Variants in CAND2 observed in about 807,000 individuals in gnomAD.
CAND2 encodes cullin-associated NEDD8-dissociated protein 2.
CAND2 carries 62 observed loss-of-function variants against 98.9 expected under a neutral mutation model. That is an observed-to-expected ratio of 0.63 (90% CI 0.51 to 0.77). The LOEUF (loss-of-function observed/expected upper bound fraction) is 0.77, where lower values mean the gene tolerates loss of function less well. Ranked by LOEUF, CAND2 falls within the 30% of genes least tolerant of loss-of-function variation. The probability of loss-of-function intolerance (pLI) is 0.00; values close to 1 mark genes in which losing one functional copy is unlikely to be tolerated. For synonymous variants in CAND2, 770 were observed against 731.9 expected (o/e 1.05, Z -0.84); for missense variants, 1,501 against 1,655.2 (o/e 0.91, Z 1.62).
intron 13 of CAND2, among the ~76,000 whole-genome samples, chr3:12,828,393 A>G (rs1323016970): frequency 1.4e-5 from 2 of 139,502 alleles, no homozygotes; most frequent in East Asian, 2.1e-4. Context: ...GCTGGAGTGC[A>G]GTGGCTTGAT....
chr3:12,799,453 A>C (rs2061750795), intron 1 of CAND2, among the ~76,000 whole-genome samples: 1 of 152,158 alleles, frequency 6.6e-6, no homozygotes, highest in Non-Finnish European at 1.5e-5. Context: ...ATCCCTACAC[A>C]CATACACGTA....
chr3:12,806,999 C>A, intron 2 of CAND2: 1 of 264,118 alleles, frequency 3.8e-6, no homozygotes. Flanking sequence ...GGGGCCCAGC[C>A]ATCTGTTTAA....
intron 2 of CAND2, among the ~76,000 whole-genome samples, chr3:12,804,453 A>C (rs1471207998): frequency 2.0e-5 from 3 of 152,116 alleles, no homozygotes; most frequent in African/African-American, 7.2e-5. Flanking sequence ...ACAAGAGCAA[A>C]AATTCCATCT....
At chr3:12,801,589 G>A (rs1049479269) in intron 1 of CAND2, among the ~76,000 whole-genome samples, 1 of 152,230 alleles carries the variant, frequency 6.6e-6, no homozygotes, top group South Asian at 2.1e-4. Flanking sequence ...GCCTGGGACA[G>A]CATCAGGCTT....
At position 12,816,916 on chromosome 3, in the gene CAND2, C is replaced by T. The variant is rs375533940; in HGVS notation, c.1984C>T (p.Arg662Trp). 3.9e-5 allele frequency: 63 copies of T among 1,613,716 alleles called. No homozygotes were observed. Among genetic ancestry groups the T allele is most frequent in the Non-Finnish European group, 4.9e-5 (58 of 1,180,028 alleles). ...ACTGCACATTCTGGCCTCATTCCTG[C>T]GGAAGAACCAGCGGGCTTTGCGACT... ...EALHILASFL[R>W]KNQRALRLAT... Residue 662 changes from arginine (R) to tryptophan (W), a missense_variant, in exon 10 of 15, where the codon CGG becomes TGG. Around this residue, in one of 3 missense-constraint regions of CAND2, gnomAD observed 1,427 missense variants for 1,545.3 expected, o/e 0.92. Transcript: ENST00000456430.
At chr3:12,802,991 T>C (rs1407543133) in intron 1 of CAND2, among the ~76,000 whole-genome samples, 1 of 149,338 alleles carries the variant, frequency 6.7e-6, no homozygotes, top group African/African-American at 2.4e-5. Flanking sequence ...TTAAAATCTT[T>C]TTTTTTTTTT....
rs2062052811 is a variant in CAND2 at position 12,831,413 on chromosome 3, T to C, written c.3376-52T>C. On this transcript the variant is annotated intron_variant, in intron 13 of 14. Transcript: ENST00000456430. ...TCTGCTCTTTCCCAGGGCTGGCTGC[T>C]GCTCTTGCTCCTGCACCATTTCACT... 3.4e-6 allele frequency: 5 copies of C among 1,464,306 alleles called. No individual in the cohort carries two copies. In the African/African-American group the frequency reaches 4.2e-5, roughly 12 times the overall value. 90.7% of individuals were successfully genotyped at this position (1,464,306 alleles called of 1,614,324 possible). A position where few individuals can be genotyped will look rare whatever the true frequency, so the allele number is the denominator to read the frequency against.
rs753022395 is a variant in CAND2 at position 12,816,482 on chromosome 3, C to T, written c.1550C>T (p.Pro517Leu). 9.3e-6 allele frequency: 15 copies of T among 1,613,896 alleles called. No individual in the cohort carries two copies. Among genetic ancestry groups the T allele is most frequent in the Non-Finnish European group, 1.1e-5 (13 of 1,180,002 alleles). The change falls in exon 10 of 15, where the codon CCA becomes CTA. Residue 517 changes from proline to leucine, a missense_variant. Physicochemically the swap from Pro to Leu is moderately conservative, Grantham distance 98. Coordinates refer to ENST00000456430, the MANE Select transcript of CAND2 (RefSeq NM_001162499.2). ...ACCGAACCAGCTGAGGCCTTCCACC[C>T]ACACTTGCCTATCCTCCTGCCACCT... ...LGTEPAEAFH[P>L]HLPILLPPVM... is the part of the protein sequence containing the mutation.
chr3:12,804,484 A>C (rs1288724705), intron 2 of CAND2, among the ~76,000 whole-genome samples: 1 of 152,120 alleles, frequency 6.6e-6, no homozygotes, highest in Non-Finnish European at 1.5e-5. Context: ...CAAACAAAAA[A>C]GGCTTAGGGC....
chr3:12,802,752 G>T (rs1016469350), intron 1 of CAND2, among the ~76,000 whole-genome samples: 1 of 152,156 alleles, frequency 6.6e-6, no homozygotes, highest in Non-Finnish European at 1.5e-5. Context: ...ATCCTTAGGC[G>T]ATTTTGTCCT....
intron 4 of CAND2, 107 bp from the exon 5 acceptor site, chr3:12,809,952 T>C (rs2124843614): frequency 7.9e-7 from 1 of 1,266,812 alleles, no homozygotes; most frequent in East Asian, 3.1e-5. Context: ...GCCATTGAGT[T>C]GCCATAATCC....
At position 12,820,126 on chromosome 3, in the gene CAND2, G is replaced by C; in HGVS notation, c.2985G>C (p.Lys995Asn). ...GGAGCACCGTCATCACAGCGGTCAAGTTCCTTATCTCGGACCAGCCCCATC... is the reference window on the plus strand; with the variant it reads ...GGAGCACCGTCATCACAGCGGTCAACTTCCTTATCTCGGACCAGCCCCATC... ...HTRSTVITAVKFLISDQPHPI... is the reference protein window; with the variant it reads ...HTRSTVITAVNFLISDQPHPI... The change falls in exon 11 of 15, where the codon AAG becomes AAC. Residue 995 changes from lysine (K) to asparagine (N), a missense_variant. Around this residue, in one of 3 missense-constraint regions of CAND2, gnomAD observed 1,427 missense variants for 1,545.3 expected, o/e 0.92. Coordinates refer to ENST00000456430, the MANE Select transcript of CAND2 (RefSeq NM_001162499.2). The C allele has an allele frequency of 6.2e-7, 1 of 1,614,182 alleles. No homozygotes were observed. The highest frequency in any genetic ancestry group is 8.5e-7 in the Non-Finnish European group (1 of 1,180,018).
intron 1 of CAND2, among the ~76,000 whole-genome samples, 194 bp downstream of exon 1, chr3:12,796,982 TC>T (rs958369860): frequency 3.4e-5 from 5 of 149,006 alleles, no homozygotes; most frequent in African/African-American, 7.5e-5. Context: ...CCGGCCGTTC[TC>T]CCCTAGGGGC....
chr3:12,808,463 T>A, intron 4 of CAND2, 130 bp downstream of exon 4: 1 of 1,035,426 alleles, frequency 9.7e-7, no homozygotes, highest in South Asian at 1.6e-5. Context: ...CCCAGCAGCC[T>A]CGTAAAGGAG....
At position 12,807,441 on chromosome 3, in the gene CAND2, G is replaced by A; in HGVS notation, c.348G>A (p.Glu116=). 3 of 1,551,524 alleles carry A rather than the reference G, an allele frequency of 1.9e-6. No homozygotes were observed. The highest frequency in any genetic ancestry group is 1.4e-5 in the African/African-American group (1 of 73,138). The change falls in exon 3 of 15, where the codon GAG becomes GAA. Residue 116 remains glutamate (E), a synonymous_variant. Transcript: ENST00000456430. Reference sequence around the variant, plus strand: ...TTGGCCTCAAGACCGTCCTCTCGGAGCTCCCTCCTGCAGCCACAGGTACCC... The same window carrying A: ...TTGGCCTCAAGACCGTCCTCTCGGAACTCCCTCCTGCAGCCACAGGTACCC... ...AGIGLKTVLS[E]LPPAATGSGL...
Position 12,834,023 on chromosome 3 carries a change from A to T in CAND2, c.*41A>T. 1 of 1,545,824 alleles carries T rather than the reference A, an allele frequency of 6.5e-7. No individual in the cohort carries two copies. The highest frequency in any genetic ancestry group is 8.9e-7 in the Non-Finnish European group (1 of 1,120,114). On this transcript the variant is annotated 3_prime_UTR_variant, in exon 15 of 15. Transcript: ENST00000456430. The stretch of plus-strand genomic sequence containing the variant: ...GGTGGGCCCTCGCTTAAGAGAAAGG[A>T]GCCCACCCAAGTCCGAGGCCTCCCC...
chr3:12,818,476 A>G (rs1017123461), intron 10 of CAND2, among the ~76,000 whole-genome samples: 3 of 152,184 alleles, frequency 2.0e-5, no homozygotes, highest in African/African-American at 7.2e-5. Flanking sequence ...AGGCTTGGAG[A>G]GGGCTGGGCA....
chr3:12,827,082 T>C (rs113792104), intron 12 of CAND2, among the ~76,000 whole-genome samples: 7,365 of 152,178 alleles, frequency 0.048, 249 homozygotes, highest in Middle Eastern at 0.082. Flanking sequence ...CCGCCCGCCT[T>C]GGCCTCCCAA....
chr3:12,815,756 T>C lies in CAND2; in HGVS notation c.1300-111T>C. ...GAGGGACGAGTGCTTGGGAGATATC[T>C]TGATGCCGACATCCTCCCTGGGGAT... is the stretch of plus-strand genomic sequence containing the variant. On this transcript the variant is annotated intron_variant, in intron 8 of 14. Coordinates refer to ENST00000456430, the MANE Select transcript of CAND2 (RefSeq NM_001162499.2). This position sits in a 1 kb window ranked among gnomAD's most constrained non-coding sequence, Gnocchi z 5.7. 1 of 1,078,482 alleles carries C rather than the reference T, an allele frequency of 9.3e-7. No individual in the cohort carries two copies. Among genetic ancestry groups the C allele is most frequent in the Non-Finnish European group, 1.4e-6 (1 of 735,512 alleles). The allele number at this position is 1,078,482 out of a possible 1,614,324, so 66.8% of individuals were successfully genotyped here. A position where few individuals can be genotyped will look rare whatever the true frequency, so the allele number is the denominator to read the frequency against.
Sources: gnomAD v4.1 joint callset for allele counts (sites outside exome capture counted in the v4.1 genomes callset) on GRCh38, gnomAD v4.1.1 for gene constraint, gnomAD v4.1.1 regional missense constraint, Gnocchi (gnomAD v3.1) non-coding constraint, MANE v1.5 for transcripts, NCBI Gene and HGNC (gene_info 2026-07-23, HGNC 2026-07-21) for gene names.